The following TYW1B variants were observed in gnomAD, a reference collection of about 807,000 sequenced individuals.
TYW1B encodes tRNA-yW synthesizing protein 1 homolog B.
A neutral mutation model predicts 86.9 loss-of-function variants in TYW1B; 73 were observed. That is an observed-to-expected ratio of 0.84 (90% CI 0.70 to 1.02). The LOEUF is 1.02. Among genes scored for constraint, TYW1B ranks in the 50% least tolerant of loss-of-function variants. TYW1B has a pLI of 0.00. For missense variants in TYW1B, 637 were observed against 827.4 expected, an observed-to-expected ratio of 0.77 and a Z score of 2.82; for synonymous variants, 248 against 292.8, an observed-to-expected ratio of 0.85 and a Z score of 1.56.
At chr7:72,714,324 A>G (rs1373277565) in intron 9 of TYW1B, among the ~76,000 whole-genome samples, 3 of 152,140 alleles carry the variant, frequency 2.0e-5, no homozygotes, top group Admixed American at 6.6e-5. Context: ...GCTTCAAAAA[A>G]TACTTCTACA....
chr7:72,706,330 G>C (rs192739764), intron 10 of TYW1B, among the ~76,000 whole-genome samples: 1 of 150,500 alleles, frequency 6.6e-6, no homozygotes, highest in South Asian at 2.1e-4. Context: ...GGGAGGCTGA[G>C]GCAGGAGAAT....
At chr7:72,651,718 G>C (rs540573885) in intron 11 of TYW1B, among the ~76,000 whole-genome samples, 2 of 152,174 alleles carry the variant, frequency 1.3e-5, no homozygotes, top group African/African-American at 4.8e-5. Flanking sequence ...AAACACGTTT[G>C]CAAGTCATAA....
intron 11 of TYW1B, among the ~76,000 whole-genome samples, chr7:72,676,803 C>CA (rs1342363835): frequency 2.0e-5 from 3 of 151,878 alleles, no homozygotes; most frequent in African/African-American, 4.8e-5. Context: ...TACTAAAATA[C>CA]AAAAAAATAG....
chr7:72,793,508 A>G (rs1788255301), intron 6 of TYW1B, among the ~76,000 whole-genome samples: 1 of 152,112 alleles, frequency 6.6e-6, no homozygotes, highest in African/African-American at 2.4e-5. Context: ...GCACTTTGGG[A>G]GGCCGAGGTG....
chr7:72,587,226 G>A (rs1323802746), intron 13 of TYW1B, among the ~76,000 whole-genome samples: 1 of 152,102 alleles, frequency 6.6e-6, no homozygotes, highest in Non-Finnish European at 1.5e-5. Flanking sequence ...GGAATACTGA[G>A]GGGTGATTTT....
chr7:72,765,372 C>T (rs1434492688), intron 7 of TYW1B, among the ~76,000 whole-genome samples: 8 of 152,170 alleles, frequency 5.3e-5, no homozygotes, highest in Non-Finnish European at 1.2e-4. Flanking sequence ...TTCTTGTTAT[C>T]TACGTGTAGA....
chr7:72,743,584 C>T (rs1372819988), intron 8 of TYW1B, among the ~76,000 whole-genome samples: 2 of 152,050 alleles, frequency 1.3e-5, no homozygotes, highest in Non-Finnish European at 2.9e-5. Context: ...TGGCTCACAC[C>T]TGTAATCCCA....
At chr7:72,639,887 G>T (rs1812763248) in intron 11 of TYW1B, among the ~76,000 whole-genome samples, 1 of 150,872 alleles carries the variant, frequency 6.6e-6, no homozygotes, top group Non-Finnish European at 1.5e-5. Flanking sequence ...AAAAAGAATG[G>T]TAAGGTCATG....
intron 13 of TYW1B, among the ~76,000 whole-genome samples, chr7:72,584,221 G>C (rs1290839856): frequency 1.2e-4 from 19 of 152,100 alleles, no homozygotes; most frequent in Non-Finnish European, 5.9e-5. Context: ...ATGTTTTAAT[G>C]TTTTGTAGAG....
At chr7:72,710,223 T>C (rs1167136322) in intron 10 of TYW1B, among the ~76,000 whole-genome samples, 2 of 152,194 alleles carry the variant, frequency 1.3e-5, no homozygotes, top group African/African-American at 4.8e-5. Context: ...TCCATTCTTT[T>C]TGGGGATATA....
chr7:72,650,069 GTTT>G (rs58355823), intron 11 of TYW1B, among the ~76,000 whole-genome samples: 1 of 131,550 alleles, frequency 7.6e-6, no homozygotes, highest in Admixed American at 7.8e-5. Context: ...TTTTTTGTTG[GTTT>G]TTTTTTTTTT....
intron 11 of TYW1B, among the ~76,000 whole-genome samples, chr7:72,676,138 A>C (rs2844204): frequency 2.0e-5 from 3 of 152,216 alleles, no homozygotes; most frequent in East Asian, 1.9e-4. Flanking sequence ...GGTTCCCAGA[A>C]ACGATCACCT....
intron 13 of TYW1B, among the ~76,000 whole-genome samples, chr7:72,604,795 C>T (rs1166430038): frequency 4.6e-5 from 7 of 152,318 alleles, no homozygotes; most frequent in Admixed American, 1.3e-4. Flanking sequence ...CCCCTGTAGG[C>T]AACTGTGGTC....
intron 11 of TYW1B, among the ~76,000 whole-genome samples, chr7:72,652,745 T>A (rs1554443016): frequency 6.6e-6 from 1 of 152,196 alleles, no homozygotes; most frequent in East Asian, 1.9e-4. Flanking sequence ...CTGATAATGA[T>A]GAAATATTAA....
intron 11 of TYW1B, among the ~76,000 whole-genome samples, chr7:72,668,702 G>A (rs1462085723): frequency 1.3e-5 from 2 of 152,118 alleles, no homozygotes; most frequent in African/African-American, 4.8e-5. Context: ...GGAACACAGA[G>A]CAGCTGGAGG....
At chr7:72,804,945 T>C (rs1412799189) in intron 5 of TYW1B, among the ~76,000 whole-genome samples, 1 of 152,200 alleles carries the variant, frequency 6.6e-6, no homozygotes, top group Non-Finnish European at 1.5e-5. Flanking sequence ...GAAAGACTCA[T>C]GTTGAGAATT....
In TYW1B at chr7:72,826,887, A is replaced by G; in HGVS notation, c.103T>C (p.Trp35Arg). 6.2e-7 allele frequency: 1 copy of G among 1,613,484 alleles called. No individual in the cohort carries two copies. The highest frequency in any genetic ancestry group is 8.5e-7 in the Non-Finnish European group (1 of 1,179,884). ...YLGFAVSISL[W>R]ICVQIVIEMQ... is the part of the protein sequence containing the mutation. ...TCGATGACAATCTGGACACAAATCC[A>G]AAGGCTAATGCTAACAGCAAAGCCC... The change falls in exon 2 of 14, where the codon TGG becomes CGG. Residue 35 changes from tryptophan to arginine, a missense_variant. Coordinates refer to ENST00000620995, the MANE Select transcript of TYW1B (RefSeq NM_001145440.3).
At chr7:72,601,422 G>A (rs1184563618) in intron 13 of TYW1B, among the ~76,000 whole-genome samples, 1 of 151,930 alleles carries the variant, frequency 6.6e-6, no homozygotes, top group Non-Finnish European at 1.5e-5. Context: ...TTCATCAATG[G>A]TGGGAATGCA....
chr7:72,644,262 A>G (rs112961460), intron 11 of TYW1B, among the ~76,000 whole-genome samples: 1,542 of 152,326 alleles, frequency 0.01, 17 homozygotes, highest in African/African-American at 0.035. Context: ...TAAAAAATCA[A>G]CAGTAGGTAG....
Sources: allele counts gnomAD v4.1 joint callset (sites outside exome capture counted in the v4.1 genomes callset), GRCh38; gene constraint gnomAD v4.1.1; transcripts MANE v1.5; gene names NCBI Gene and HGNC (gene_info 2026-07-23, HGNC 2026-07-21).